Variants in ARHGAP9 observed in about 807,000 individuals in gnomAD.
ARHGAP9 encodes rho GTPase-activating protein 9.
A neutral mutation model predicts 87.3 loss-of-function variants in ARHGAP9; 76 were observed. The observed-to-expected ratio is 0.87, with a 90% CI of 0.72 to 1.05. The LOEUF (loss-of-function observed/expected upper bound fraction) is 1.05. ARHGAP9 is among the 50% of genes least tolerant of loss of function. ARHGAP9 has a pLI of 0.00. For synonymous variants in ARHGAP9, 382 were observed against 394.9 expected, an observed-to-expected ratio of 0.97 and a Z score of 0.39; for missense variants, 941 against 960.5, an observed-to-expected ratio of 0.98 and a Z score of 0.27.
intron 15 of ARHGAP9, 62 bp downstream of exon 15, chr12:57,474,361 C>T: frequency 6.2e-7 from 1 of 1,605,820 alleles, no homozygotes; most frequent in Non-Finnish European, 8.5e-7. Flanking sequence ...TGGGGGTTTC[C>T]ACGGGAAGCA....
chr12:57,488,699 T>A, exon 1 of ARHGAP9: 1 of 1,505,336 alleles, frequency 6.6e-7, no homozygotes. Flanking sequence ...GTTCTCCCAC[T>A]GTGACCTTCA....
At chr12:57,479,603 C>T in intron 1 of ARHGAP9, 127 bp downstream of exon 1, 1 of 1,536,556 alleles carries the variant, frequency 6.5e-7, no homozygotes, top group South Asian at 1.2e-5. Flanking sequence ...GGGCTGAGAA[C>T]TCCTGGTGGT....
At chr12:57,472,811 A>T (rs1467637451) in intron 17 of ARHGAP9, 123 bp from the exon 18 acceptor site, 1 of 995,092 alleles carries the variant, frequency 1.0e-6, no homozygotes, top group Non-Finnish European at 1.5e-6. Context: ...ACATGGTAAC[A>T]AAAAAACCAA....
chr12:57,477,813 G>A (rs1460968336), intron 3 of ARHGAP9, 133 bp from the exon 4 acceptor site: 4 of 1,511,084 alleles, frequency 2.6e-6, no homozygotes, highest in Admixed American at 2.2e-5. Flanking sequence ...GTGACCCAGG[G>A]TACTGGGGGA....
At position 57,478,850 on chromosome 12, in the gene ARHGAP9, A is replaced by T. The variant is rs571615442; in HGVS notation, c.317-93T>A. 8 of 1,272,762 alleles carry T rather than the reference A, an allele frequency of 6.3e-6. No homozygotes were observed. In the African/African-American group the frequency reaches 7.5e-5, roughly 12 times the overall value. The allele number at this position is 1,272,762 out of a possible 1,614,324, so 78.8% of individuals were successfully genotyped here. On this transcript the variant is annotated intron_variant, in intron 2 of 17. Transcript: ENST00000393791. Reference sequence around the variant, plus strand: ...CTTGGGAACTCACAGGGAAGACAAGAAGGGCAGAGGGAGGATGTGGAAAAT... The same window carrying T: ...CTTGGGAACTCACAGGGAAGACAAGTAGGGCAGAGGGAGGATGTGGAAAAT...
intron 12 of ARHGAP9, 37 bp from the exon 13 acceptor site, chr12:57,475,010 C>A (rs548301559): frequency 6.3e-7 from 1 of 1,595,072 alleles, no homozygotes. Context: ...CCAGTGCCAG[C>A]GTCACTCACA....
In ARHGAP9 at chr12:57,477,372, C is replaced by T; in HGVS notation, c.756+87G>A. The T allele has an allele frequency of 1.9e-6, 3 of 1,539,718 alleles. No individual in the cohort carries two copies. The Admixed American group carries it at 5.5e-5, about 28-fold the overall frequency. On this transcript the variant is annotated intron_variant, in intron 4 of 17. Transcript: ENST00000393791. The stretch of plus-strand genomic sequence containing the variant: ...CTGATTCTTCTGATCTTCTGAGAGC[C>T]CCGGAGAGAAAACACACTACCTTGA...
chr12:57,477,123 C>G, intron 5 of ARHGAP9, 33 bp downstream of exon 5: 1 of 1,608,414 alleles, frequency 6.2e-7, no homozygotes, highest in Non-Finnish European at 8.5e-7. Flanking sequence ...CTGGCTTTTT[C>G]TGCATGTGAC....
chr12:57,476,637 C>G lies in ARHGAP9; in HGVS notation c.978G>C (p.Ser326=), dbSNP rs142152442. ...LLDDPHEVEK[S]GLLNMTKIAQ... ...CAATCTTGGTCATGTTGAGCAGACCCGACTTTTCCACCTCCTGGGAAGTGG... is the reference window on the plus strand; with the variant it reads ...CAATCTTGGTCATGTTGAGCAGACCGGACTTTTCCACCTCCTGGGAAGTGG... The change falls in exon 7 of 18, where the codon TCG becomes TCC. Residue 326 remains serine, a synonymous_variant. Coordinates refer to ENST00000393791, the MANE Select transcript of ARHGAP9 (RefSeq NM_032496.4). The G allele has an allele frequency of 1.8e-3, 2,872 of 1,613,876 alleles. 107 individuals carry two copies. The East Asian group carries it at 0.05, about 28-fold the overall frequency.
intron 7 of ARHGAP9, 61 bp downstream of exon 7, chr12:57,476,529 A>T: frequency 6.2e-7 from 1 of 1,611,398 alleles, no homozygotes. Context: ...TGCTCTTCCA[A>T]CACCCTGCTC....
Position 57,477,125 on chromosome 12 carries a change from G to A in ARHGAP9, c.870+31C>T, listed in dbSNP as rs376870053. On this transcript the variant is annotated intron_variant, in intron 5 of 17. Transcript: ENST00000393791. ...AAGTCATAACAAGCTGGCTTTTTCTGCATGTGACTGGGAGATGGGAGGGAT... is the reference window on the plus strand; with the variant it reads ...AAGTCATAACAAGCTGGCTTTTTCTACATGTGACTGGGAGATGGGAGGGAT... The A allele has an allele frequency of 2.5e-6, 4 of 1,607,326 alleles. No homozygotes were observed. The African/African-American group carries it at 5.4e-5, about 22-fold the overall frequency.
intron 6 of ARHGAP9, 43 bp downstream of exon 6, chr12:57,476,828 G>T (rs768807095): frequency 3.3e-6 from 5 of 1,523,128 alleles, no homozygotes; most frequent in Non-Finnish European, 4.5e-6. Context: ...GGGGAGGGGG[G>T]GCAGGGAGGA....
rs1042763652 is a variant in ARHGAP9, at chr12:57,479,004, G to T, written c.316+87C>A. The T allele has an allele frequency of 8.8e-6, 13 of 1,474,740 alleles. No homozygotes were observed. In the Admixed American group the frequency reaches 1.2e-4, roughly 13 times the overall value. 91.4% of individuals were successfully genotyped at this position (1,474,740 alleles called of 1,614,324 possible). A position where few individuals can be genotyped will look rare whatever the true frequency, so the allele number is the denominator to read the frequency against. On this transcript the variant is annotated intron_variant, in intron 2 of 17. Coordinates refer to ENST00000393791, the MANE Select transcript of ARHGAP9 (RefSeq NM_032496.4). The stretch of plus-strand genomic sequence containing the variant: ...GGTTAGCAGAAGCTTGAGGGAGGGG[G>T]ACCTCCCCAAAATTCCCAGAAGCCA...
chr12:57,474,004 C>T (rs1393304626), intron 16 of ARHGAP9, 38 bp downstream of exon 16: 6 of 1,597,270 alleles, frequency 3.8e-6, no homozygotes, highest in Non-Finnish European at 5.1e-6. Context: ...ACCCGTGTCC[C>T]CCACATCAAG....
chr12:57,486,449 C>T (rs563367101), intron 1 of ARHGAP9, among the ~76,000 whole-genome samples: 130 of 151,868 alleles, frequency 8.6e-4, no homozygotes, highest in Admixed American at 1.6e-3. Context: ...TTTGTATTTT[C>T]ACTAAAGAAG....
At chr12:57,477,733 A>T (rs753378420) in intron 3 of ARHGAP9, 53 bp from the exon 4 acceptor site, 1 of 1,595,862 alleles carries the variant, frequency 6.3e-7, no homozygotes, top group Non-Finnish European at 8.5e-7. Context: ...TGCCCTTCCC[A>T]TGCTTCTCTT....
upstream of ARHGAP9, among the ~76,000 whole-genome samples, chr12:57,484,866 G>C (rs549480847): frequency 6.6e-6 from 1 of 152,064 alleles, no homozygotes; most frequent in Non-Finnish European, 1.5e-5. Context: ...GGATGGTCTC[G>C]AACTCCTGAC....
At chr12:57,479,519 G>T in intron 1 of ARHGAP9, 95 bp from the exon 2 acceptor site, 1 of 1,500,182 alleles carries the variant, frequency 6.7e-7, no homozygotes, top group Non-Finnish European at 8.9e-7. Flanking sequence ...TTGCAGGGAG[G>T]TGAGGACGGG....
At chr12:57,486,241 T>C (rs1161576437) in intron 1 of ARHGAP9, among the ~76,000 whole-genome samples, 1 of 152,156 alleles carries the variant, frequency 6.6e-6, no homozygotes, top group African/African-American at 2.4e-5. Flanking sequence ...TAATATATAC[T>C]TATTGCCAAA....
Sources: gnomAD v4.1 joint callset for allele counts (sites outside exome capture counted in the v4.1 genomes callset) on GRCh38, gnomAD v4.1.1 for gene constraint, MANE v1.5 for transcripts, NCBI Gene and HGNC (gene_info 2026-07-23, HGNC 2026-07-21) for gene names.